ADAMTSL1: variants seen among roughly 807,000 people sequenced by gnomAD.
ADAMTSL1 encodes ADAMTS like 1.
A neutral mutation model predicts 201.8 loss-of-function variants in ADAMTSL1; 126 were observed. That is an observed-to-expected ratio of 0.62 (90% CI 0.54 to 0.72). The LOEUF (loss-of-function observed/expected upper bound fraction) is 0.72. Among genes scored for constraint, ADAMTSL1 ranks in the 30% least tolerant of loss-of-function variants. The pLI is 0.00. For missense variants in ADAMTSL1, 2,679 were observed against 2,277.8 expected (o/e 1.18, Z -3.59); for synonymous variants, 1,121 against 903.4 (o/e 1.24, Z -4.32).
intron 2 of ADAMTSL1, among the ~76,000 whole-genome samples, chr9:18,439,083 C>A (rs1819881881): frequency 6.6e-6 from 1 of 151,842 alleles, no homozygotes; most frequent in African/African-American, 2.4e-5. Context: ...CTGGACGTTG[C>A]ATTCCGAAAG....
intron 23 of ADAMTSL1, among the ~76,000 whole-genome samples, chr9:18,886,814 A>G (rs1324689390): frequency 6.6e-6 from 1 of 152,192 alleles, no homozygotes; most frequent in African/African-American, 2.4e-5. Context: ...GGGTATACAC[A>G]AACCCTCAGA....
chr9:18,582,848 CAAAATAAAATAAAATAAAT>C (rs1196305006), intron 4 of ADAMTSL1, among the ~76,000 whole-genome samples: 29 of 142,462 alleles, frequency 2.0e-4, no homozygotes, highest in Non-Finnish European at 3.1e-5. Flanking sequence ...GACTCCATCT[CAAAATAAAATAAAATAAAT>C]AAAATAAAAT....
At chr9:18,600,827 C>A (rs182891329) in intron 4 of ADAMTSL1, among the ~76,000 whole-genome samples, 1 of 152,150 alleles carries the variant, frequency 6.6e-6, no homozygotes, top group Non-Finnish European at 1.5e-5. Flanking sequence ...AAACTCTTAG[C>A]CTGTACCTAT....
intron 20 of ADAMTSL1, among the ~76,000 whole-genome samples, chr9:18,811,431 G>T (rs547166954): frequency 6.6e-6 from 1 of 152,220 alleles, no homozygotes; most frequent in Non-Finnish European, 1.5e-5. Context: ...AAGGTGAGGA[G>T]GCTCCTCCCA....
chr9:18,491,238 C>G (rs527435802), intron 1 of ADAMTSL1, among the ~76,000 whole-genome samples: 1 of 152,272 alleles, frequency 6.6e-6, no homozygotes, highest in African/African-American at 2.4e-5. Context: ...TGTGGTGTGC[C>G]TCAGCATTCT....
chr9:18,305,146 T>A (rs1170058941), intron 2 of ADAMTSL1, among the ~76,000 whole-genome samples: 1 of 152,226 alleles, frequency 6.6e-6, no homozygotes, highest in Admixed American at 6.5e-5. Context: ...CGTGAGGGAC[T>A]GTGCCATGAG....
chr9:18,182,242 A>G (rs553746176), intron 2 of ADAMTSL1, among the ~76,000 whole-genome samples: 1 of 152,200 alleles, frequency 6.6e-6, no homozygotes, highest in South Asian at 2.1e-4. Flanking sequence ...TACATATGTA[A>G]CAAACATGCA....
chr9:18,661,485 C>T (rs1829090113), intron 8 of ADAMTSL1, among the ~76,000 whole-genome samples: 1 of 152,112 alleles, frequency 6.6e-6, no homozygotes, highest in Non-Finnish European at 1.5e-5. Flanking sequence ...GCAAGGGGAG[C>T]AATGTGGGAT....
intron 1 of ADAMTSL1, among the ~76,000 whole-genome samples, chr9:18,493,600 A>G (rs146356915): frequency 0.016 from 2,364 of 152,364 alleles, 25 homozygotes; most frequent in African/African-American, 0.032. Context: ...ATCATCTTTC[A>G]GCTTTACACA....
chr9:18,885,545 G>A (rs1363934163), intron 23 of ADAMTSL1, among the ~76,000 whole-genome samples: 1 of 152,200 alleles, frequency 6.6e-6, no homozygotes, highest in East Asian at 1.9e-4. Flanking sequence ...CCAAGAGGGG[G>A]AAGTATAACC....
At chr9:18,161,205 A>G (rs1002102045) in intron 1 of ADAMTSL1, among the ~76,000 whole-genome samples, 2 of 152,024 alleles carry the variant, frequency 1.3e-5, no homozygotes, top group African/African-American at 4.8e-5. Flanking sequence ...TTTATTCTTC[A>G]TTGTTAGCAT....
At chr9:18,840,326 G>T (rs1391007013) in intron 23 of ADAMTSL1, among the ~76,000 whole-genome samples, 3 of 152,102 alleles carry the variant, frequency 2.0e-5, no homozygotes, top group East Asian at 1.9e-4. Flanking sequence ...TCTCAGGTTT[G>T]TCAAAGATCA....
At chr9:18,821,811 G>A (rs1025430121) in intron 21 of ADAMTSL1, among the ~76,000 whole-genome samples, 46 of 152,262 alleles carry the variant, frequency 3.0e-4, no homozygotes, top group African/African-American at 1.1e-3. Flanking sequence ...CCCACCTTGA[G>A]ATGTTGACAC....
At chr9:18,245,189 G>A (rs1304008350) in intron 2 of ADAMTSL1, among the ~76,000 whole-genome samples, 1 of 152,154 alleles carries the variant, frequency 6.6e-6, no homozygotes, top group East Asian at 1.9e-4. Flanking sequence ...CTACAGCAGC[G>A]CTGTCCAATG....
chr9:18,004,108 T>C (rs1173986196), intron 1 of ADAMTSL1, among the ~76,000 whole-genome samples: 3 of 152,066 alleles, frequency 2.0e-5, no homozygotes, highest in African/African-American at 7.2e-5. Flanking sequence ...AATTTATTAA[T>C]GTTTTAAAGG....
At chr9:18,002,485 T>A (rs1290829039) in intron 1 of ADAMTSL1, among the ~76,000 whole-genome samples, 1 of 152,038 alleles carries the variant, frequency 6.6e-6, no homozygotes, top group Non-Finnish European at 1.5e-5. Context: ...CTTAGTAAGT[T>A]CTTAATAATG....
upstream of ADAMTSL1, among the ~76,000 whole-genome samples, chr9:18,471,327 G>T (rs147506457): frequency 6.6e-6 from 1 of 151,958 alleles, no homozygotes; most frequent in African/African-American, 2.4e-5. Flanking sequence ...ATTTAGATTC[G>T]GTAAACCGTG....
At chr9:18,473,124 A>C (rs913937831), upstream of ADAMTSL1, among the ~76,000 whole-genome samples, 3 of 152,268 alleles carry the variant, frequency 2.0e-5, no homozygotes, top group African/African-American at 7.2e-5. Context: ...GCAATAGTGG[A>C]TGGAAAAATG....
chr9:18,733,760 C>A (rs1818355513), intron 15 of ADAMTSL1, among the ~76,000 whole-genome samples: 2 of 151,598 alleles, frequency 1.3e-5, no homozygotes, highest in South Asian at 4.2e-4. Flanking sequence ...TTCCTAGTGC[C>A]TGTTCCCTCT....
Sources: allele counts gnomAD v4.1 joint callset (sites outside exome capture counted in the v4.1 genomes callset), GRCh38; gene constraint gnomAD v4.1.1; transcripts MANE v1.5; gene names NCBI Gene and HGNC (gene_info 2026-07-23, HGNC 2026-07-21).